The following PACRG variants were observed in gnomAD, a reference collection of about 807,000 sequenced individuals.
The protein encoded by PACRG is parkin coregulated.
PACRG carries 29 observed loss-of-function variants against 29.7 expected under a neutral mutation model. The ratio of observed to expected loss-of-function variants is 0.98; its 90% CI spans 0.73 to 1.33. The LOEUF is 1.33. PACRG is among the 40% of genes most tolerant of loss of function. The pLI is 0.00. For missense variants in PACRG, 279 were observed against 316.2 expected, an observed-to-expected ratio of 0.88 and a Z score of 0.89; for synonymous variants, 116 against 118.7, an observed-to-expected ratio of 0.98 and a Z score of 0.15.
intron 2 of PACRG, 63 bp downstream of exon 2, chr6:162,814,344 A>G: frequency 3.2e-6 from 5 of 1,579,992 alleles, no homozygotes; most frequent in South Asian, 2.3e-5. Flanking sequence ...CCCAATGCCA[A>G]ACACACTTGG....
intron 1 of PACRG, among the ~76,000 whole-genome samples, chr6:162,776,044 G>T (rs1255784966): frequency 1.3e-5 from 2 of 151,916 alleles, no homozygotes; most frequent in Non-Finnish European, 2.9e-5. Flanking sequence ...GACTAAGAAT[G>T]AGAAAAAAAA....
chr6:162,738,807 A>C (rs1422607390), intron 1 of PACRG, among the ~76,000 whole-genome samples: 1 of 152,196 alleles, frequency 6.6e-6, no homozygotes, highest in African/African-American at 2.4e-5. Context: ...ATACACTTTG[A>C]TATTTCTAGT....
intron 4 of PACRG, among the ~76,000 whole-genome samples, chr6:163,149,102 T>A (rs1018803431): frequency 6.6e-6 from 1 of 151,818 alleles, no homozygotes; most frequent in Non-Finnish European, 1.5e-5. Flanking sequence ...CGTGGCTGGC[T>A]TCCTTCCCCT....
At chr6:163,028,022 C>T (rs921814333) in intron 2 of PACRG, among the ~76,000 whole-genome samples, 4 of 152,288 alleles carry the variant, frequency 2.6e-5, no homozygotes, top group Non-Finnish European at 5.9e-5. Context: ...TGAGAGAAGT[C>T]GTGAGTCACT....
intron 2 of PACRG, among the ~76,000 whole-genome samples, chr6:163,022,285 C>T (rs189223906): frequency 1.8e-4 from 28 of 152,338 alleles, no homozygotes; most frequent in African/African-American, 6.7e-4. Context: ...CCTTGCTGTA[C>T]TCTAAAAACA....
chr6:162,819,454 G>A (rs535043255), intron 2 of PACRG, among the ~76,000 whole-genome samples: 2 of 152,094 alleles, frequency 1.3e-5, no homozygotes, highest in South Asian at 2.1e-4. Context: ...ATTTCAAAAC[G>A]GATTTAAATT....
In PACRG at chr6:163,166,493, C is replaced by T. The variant is rs375469393; in HGVS notation, c.613+77085C>T. ...ACCAAATGTCATATTATTTACATGG[C>T]GTGCACAATTTATTTTCTAAAAACG... On this transcript the variant is annotated intron_variant, in intron 4 of 4. Transcript: ENST00000366888. 3.9e-5 allele frequency among the ~76,000 whole-genome samples: 6 copies of T among 152,270 alleles called. No individual in the cohort carries two copies. The East Asian group carries it at 9.6e-4, about 24-fold the overall frequency.
intron 3 of PACRG, among the ~76,000 whole-genome samples, chr6:163,072,301 C>T (rs1812137926): frequency 6.6e-6 from 1 of 152,064 alleles, no homozygotes; most frequent in South Asian, 2.1e-4. Flanking sequence ...ATATGCAAAG[C>T]AATCAATGTT....
Position 162,834,914 on chromosome 6 carries a change from C to T in PACRG, c.291+20633C>T, listed in dbSNP as rs115532944. On this transcript the variant is annotated intron_variant, in intron 2 of 4. Transcript: ENST00000366888. ...AAACCAAAGGGGTTTTCCTGATTTA[C>T]GTAAACTATTAAATCCCCTTTATTT... 3.4e-3 allele frequency among the ~76,000 whole-genome samples: 520 copies of T among 152,030 alleles called. 8 individuals carry two copies. The highest frequency in any genetic ancestry group is 0.011 in the African/African-American group (474 of 41,500).
In PACRG at chr6:162,853,952, CTAT is replaced by C. The variant is rs1232589136; in HGVS notation, c.291+39680_291+39682del. Among the ~76,000 whole-genome samples the C allele has an allele frequency of 1.3e-5, 2 of 152,018 alleles. No homozygotes were observed. Among genetic ancestry groups the C allele is most frequent in the East Asian group, 1.9e-4 (1 of 5,172 alleles). On this transcript the variant is annotated intron_variant, in intron 2 of 4. Transcript: ENST00000366888. This position sits in a 1 kb window ranked among gnomAD's most constrained non-coding sequence, Gnocchi z 4.7. ...GGTCCATGCTAGGTATAAATATTAA[CTAT>C]TATTATTAATATCATTAGTATCATT...
At chr6:163,007,287 A>G (rs185577442) in intron 2 of PACRG, among the ~76,000 whole-genome samples, 1 of 152,246 alleles carries the variant, frequency 6.6e-6, no homozygotes, top group East Asian at 1.9e-4. Context: ...TTTACTTTTA[A>G]CAATTATCTT....
At chr6:163,298,633 G>T (rs1400719759) in intron 4 of PACRG, among the ~76,000 whole-genome samples, 22 of 152,200 alleles carry the variant, frequency 1.4e-4, no homozygotes, top group Admixed American at 1.4e-3. Flanking sequence ...AAATCTGGAG[G>T]TAGACTTAAT....
chr6:162,831,856 G>A (rs1788798959), intron 2 of PACRG, among the ~76,000 whole-genome samples: 1 of 152,140 alleles, frequency 6.6e-6, no homozygotes, highest in Admixed American at 6.6e-5. Context: ...TTTTATGGCT[G>A]CATAGTATTC....
chr6:163,160,917 G>C (rs548109297), intron 4 of PACRG, among the ~76,000 whole-genome samples: 16 of 152,074 alleles, frequency 1.1e-4, no homozygotes, highest in Non-Finnish European at 2.2e-4. Context: ...ATTCTGCTAG[G>C]CTTCTTGTAA....
At chr6:163,163,513 G>T (rs186047746) in intron 4 of PACRG, among the ~76,000 whole-genome samples, 1 of 150,862 alleles carries the variant, frequency 6.6e-6, no homozygotes, top group South Asian at 2.1e-4. Flanking sequence ...CTCAGGTGAC[G>T]CGCCTGCCTC....
At chr6:163,087,117 C>T (rs1813634074) in intron 3 of PACRG, among the ~76,000 whole-genome samples, 2 of 152,136 alleles carry the variant, frequency 1.3e-5, no homozygotes, top group African/African-American at 4.8e-5. Context: ...GAGATCCATA[C>T]AAGAGCAGGC....
At chr6:162,953,997 G>T (rs1445043584) in intron 2 of PACRG, among the ~76,000 whole-genome samples, 20 of 152,068 alleles carry the variant, frequency 1.3e-4, no homozygotes, top group Admixed American at 1.3e-3. Flanking sequence ...AATATATAAT[G>T]AAATACCTAT....
intron 1 of PACRG, among the ~76,000 whole-genome samples, chr6:162,738,753 A>G (rs1780353926): frequency 1.3e-5 from 2 of 152,210 alleles, no homozygotes; most frequent in African/African-American, 2.4e-5. Context: ...AGTTGCATGT[A>G]TGTATAGAGC....
intron 4 of PACRG, among the ~76,000 whole-genome samples, chr6:163,257,994 A>G (rs1027325237): frequency 1.3e-5 from 2 of 152,140 alleles, no homozygotes; most frequent in African/African-American, 4.8e-5. Flanking sequence ...CATTATATTA[A>G]GCACAAATAA....
Sources: allele counts gnomAD v4.1 joint callset (sites outside exome capture counted in the v4.1 genomes callset), GRCh38; gene constraint gnomAD v4.1.1; non-coding constraint Gnocchi (gnomAD v3.1); transcripts MANE v1.5; gene names NCBI Gene and HGNC (gene_info 2026-07-23, HGNC 2026-07-21).